The following SIPA1L3 variants were observed in gnomAD, a reference collection of about 807,000 sequenced individuals.
The protein encoded by SIPA1L3 is signal-induced proliferation-associated 1-like protein 3.
A neutral mutation model predicts 150.1 loss-of-function variants in SIPA1L3; 59 were observed. The observed-to-expected ratio is 0.39, with a 90% CI of 0.32 to 0.49. The LOEUF is 0.49. Among genes scored for constraint, SIPA1L3 ranks in the 20% least tolerant of loss-of-function variants. SIPA1L3 has a pLI of 0.86. For synonymous variants in SIPA1L3, 1,070 were observed against 1,077.6 expected (o/e 0.99, Z 0.14); for missense variants, 2,211 against 2,489.5 (o/e 0.89, Z 2.38).
chr19:38,119,735 G>A lies in SIPA1L3; in HGVS notation c.2721G>A (p.Val907=). 6.2e-7 allele frequency: 1 copy of A among 1,614,114 alleles called. No individual in the cohort carries two copies. The change falls in exon 9 of 22, where the codon GTG becomes GTA. Residue 907 remains valine (V), a synonymous_variant. Transcript: ENST00000222345. ...TCCTGGACTTACGCACCAAGGAGGTGGTGTTCAACTGCTACTGCGGGGATG... is the reference window on the plus strand; with the variant it reads ...TCCTGGACTTACGCACCAAGGAGGTAGTGTTCAACTGCTACTGCGGGGATG... ...VVLLDLRTKE[V]VFNCYCGDVI... is the part of the protein sequence containing the mutation.
rs201192663 is a variant in SIPA1L3, at chr19:38,130,533, G to A, written c.2904G>A (p.Thr968=). Residue 968 remains threonine, a synonymous_variant, in exon 10 of 22, where the codon ACG becomes ACA. Transcript: ENST00000222345. Reference sequence around the variant, plus strand: ...GTGGCTGGGAGACGGTGGACATGACGCTTCGGCGGAACGGGCTCGGGCAGC... The same window carrying A: ...GTGGCTGGGAGACGGTGGACATGACACTTCGGCGGAACGGGCTCGGGCAGC... The part of the protein sequence containing the change: ...MTSGWETVDM[T]LRRNGLGQLG... The A allele has an allele frequency of 2.1e-5, 34 of 1,613,240 alleles. No homozygotes were observed. In the East Asian group the frequency reaches 3.6e-4, roughly 17 times the overall value.
chr19:37,942,661 A>G (rs1265088056), intron 1 of SIPA1L3, among the ~76,000 whole-genome samples: 1 of 151,988 alleles, frequency 6.6e-6, no homozygotes. Context: ...GAAGTAGGGC[A>G]GTGAGGGGCA....
chr19:37,975,973 CG>C (rs1967064745), intron 1 of SIPA1L3, among the ~76,000 whole-genome samples: 1 of 152,010 alleles, frequency 6.6e-6, no homozygotes, highest in Non-Finnish European at 1.5e-5. Context: ...TGCGTGGTGG[CG>C]GGCGCCAGTA....
intron 3 of SIPA1L3, among the ~76,000 whole-genome samples, chr19:38,084,151 CATG>C (rs1970071115): frequency 6.6e-6 from 1 of 152,064 alleles, no homozygotes; most frequent in Non-Finnish European, 1.5e-5. Context: ...TAGTGCATGG[CATG>C]ATCCCCCACT....
At chr19:37,918,369 C>T (rs558558109) in intron 1 of SIPA1L3, among the ~76,000 whole-genome samples, 2 of 151,836 alleles carry the variant, frequency 1.3e-5, no homozygotes, top group African/African-American at 4.8e-5. Flanking sequence ...AAGTGACTCT[C>T]CTGCCTCAGC....
Position 38,198,377 on chromosome 19 carries a change from C to T in SIPA1L3, c.4841-12C>T. ...ACACTCAACCACTGCCATCTCCACCCTCCCCATCCAGCCACCATCTCAGCC... is the reference window on the plus strand; with the variant it reads ...ACACTCAACCACTGCCATCTCCACCTTCCCCATCCAGCCACCATCTCAGCC... On this transcript the variant is annotated splice_polypyrimidine_tract_variant and intron_variant, in intron 18 of 21. Transcript: ENST00000222345. 6.5e-7 allele frequency: 1 copy of T among 1,531,360 alleles called. No individual in the cohort carries two copies. The allele number at this position is 1,531,360 out of a possible 1,614,324, so 94.9% of individuals were successfully genotyped here.
At chr19:37,930,346 C>G (rs923392189) in intron 1 of SIPA1L3, among the ~76,000 whole-genome samples, 4 of 150,436 alleles carry the variant, frequency 2.7e-5, no homozygotes, top group Non-Finnish European at 4.4e-5. Context: ...TTCATAGAGA[C>G]GAGGTCTCAC....
intron 1 of SIPA1L3, among the ~76,000 whole-genome samples, chr19:37,970,684 C>T (rs903459998): frequency 1.3e-5 from 2 of 152,188 alleles, no homozygotes; most frequent in South Asian, 2.1e-4. Flanking sequence ...GAGGCTGTGC[C>T]GTGGATGGGT....
intron 3 of SIPA1L3, among the ~76,000 whole-genome samples, chr19:38,085,880 C>G (rs1970118718): frequency 6.6e-6 from 1 of 152,114 alleles, no homozygotes; most frequent in Admixed American, 6.5e-5. Flanking sequence ...CCTGTAATCC[C>G]AGCTACTTGG....
At chr19:37,917,816 A>G (rs1836106821) in intron 1 of SIPA1L3, among the ~76,000 whole-genome samples, 1 of 152,004 alleles carries the variant, frequency 6.6e-6, no homozygotes, top group Non-Finnish European at 1.5e-5. Context: ...ACCAGCCTGG[A>G]CAACAAAGCA....
chr19:38,078,918 G>A lies in SIPA1L3; in HGVS notation c.-310-2338G>A, dbSNP rs547926018. Among the ~76,000 whole-genome samples the A allele has an allele frequency of 7.9e-5, 12 of 152,266 alleles. 1 individual carries two copies. In the South Asian group the frequency reaches 1.2e-3, roughly 16 times the overall value. ...GGTGGAGACAAAGGGAAGTGACCCC[G>A]CAGGGTGTTTTATATGCTGGACAGA... On this transcript the variant is annotated intron_variant, in intron 2 of 21. Transcript: ENST00000222345.
chr19:38,195,889 G>A (rs1395953627), intron 18 of SIPA1L3, among the ~76,000 whole-genome samples: 1 of 149,862 alleles, frequency 6.7e-6, no homozygotes, highest in Non-Finnish European at 1.5e-5. Flanking sequence ...AGATGAGAAT[G>A]TGTCTGTCTC....
At chr19:37,911,776 A>C (rs1694692267) in intron 1 of SIPA1L3, among the ~76,000 whole-genome samples, 1 of 151,800 alleles carries the variant, frequency 6.6e-6, no homozygotes. Flanking sequence ...TGGGATTACA[A>C]GCGTGAGCCA....
intron 14 of SIPA1L3, among the ~76,000 whole-genome samples, chr19:38,163,501 A>AC (rs1485704891): frequency 6.6e-6 from 1 of 151,630 alleles, no homozygotes; most frequent in Non-Finnish European, 1.5e-5. Context: ...AAAAAAAAAA[A>AC]AAAAAAAAAA....
chr19:38,061,881 G>GT lies in SIPA1L3; in HGVS notation c.-310-19364dup, dbSNP rs370040787. Among the ~76,000 whole-genome samples the GT allele has an allele frequency of 2.1e-3, 302 of 142,094 alleles. 2 individuals carry two copies. The highest frequency in any genetic ancestry group is 3.5e-3 in the Middle Eastern group (1 of 284). 93.2% of individuals were successfully genotyped at this position (142,094 alleles called of 152,430 possible). On this transcript the variant is annotated intron_variant, in intron 2 of 21. Coordinates refer to ENST00000222345, the MANE Select transcript of SIPA1L3 (RefSeq NM_015073.3). ...GGTTGGTTTGGGATTTTTGAGTTTTGTTTTTTTTTTTCATGGATTCAGAAA... is the reference window on the plus strand; with the variant it reads ...GGTTGGTTTGGGATTTTTGAGTTTTGTTTTTTTTTTTTCATGGATTCAGAAA...
chr19:37,987,685 G>A (rs1050819769), intron 1 of SIPA1L3, among the ~76,000 whole-genome samples: 10 of 152,214 alleles, frequency 6.6e-5, no homozygotes, highest in Non-Finnish European at 1.2e-4. Flanking sequence ...AGGCCAGCTG[G>A]TCACTCACAT....
chr19:38,107,558 C>T (rs1028353076), intron 7 of SIPA1L3, among the ~76,000 whole-genome samples: 3 of 152,234 alleles, frequency 2.0e-5, no homozygotes, highest in Admixed American at 1.3e-4. Flanking sequence ...TGAACAGAAG[C>T]CCCAGAGTGC....
chr19:38,024,428 G>T (rs1968454068), intron 1 of SIPA1L3, among the ~76,000 whole-genome samples: 1 of 152,062 alleles, frequency 6.6e-6, no homozygotes, highest in South Asian at 2.1e-4. Context: ...ATGAGGGTGT[G>T]GGGCCTGGAG....
At chr19:37,938,267 A>G (rs1175021595) in intron 1 of SIPA1L3, among the ~76,000 whole-genome samples, 1 of 152,150 alleles carries the variant, frequency 6.6e-6, no homozygotes, top group Non-Finnish European at 1.5e-5. Context: ...TGCTGTTCAC[A>G]GGCTGCTGTG....
Sources: gnomAD v4.1 joint callset for allele counts (sites outside exome capture counted in the v4.1 genomes callset) on GRCh38, gnomAD v4.1.1 for gene constraint, MANE v1.5 for transcripts, NCBI Gene and HGNC (gene_info 2026-07-23, HGNC 2026-07-21) for gene names.